DLGAP4: variants seen among roughly 807,000 people sequenced by gnomAD.
The protein encoded by DLGAP4 is DLG associated protein 4, also known as disks large-associated protein 4.
DLGAP4 carries 18 observed loss-of-function variants against 86.9 expected under a neutral mutation model. That is an observed-to-expected ratio of 0.21 (90% CI 0.14 to 0.31). The LOEUF is 0.31. Ranked by LOEUF, DLGAP4 falls within the 10% of genes least tolerant of loss-of-function variation. The pLI is 1.00. For missense variants in DLGAP4, 1,085 were observed against 1,362.6 expected, an observed-to-expected ratio of 0.80 and a Z score of 3.21; for synonymous variants, 548 against 574.3, an observed-to-expected ratio of 0.95 and a Z score of 0.65.
intron 2 of DLGAP4, among the ~76,000 whole-genome samples, chr20:36,373,454 G>T (rs190640347): frequency 1.8e-4 from 28 of 152,244 alleles, no homozygotes; most frequent in African/African-American, 6.3e-4. Context: ...CAAATTTGTG[G>T]GATGTGCCCA....
At chr20:36,491,214 C>T (rs1358048329) in intron 7 of DLGAP4, among the ~76,000 whole-genome samples, 1 of 149,998 alleles carries the variant, frequency 6.7e-6, no homozygotes, top group Non-Finnish European at 1.5e-5. Context: ...AATGCAGAAA[C>T]AAATTCATTC....
chr20:36,461,124 G>A (rs2034019986), intron 7 of DLGAP4, among the ~76,000 whole-genome samples: 1 of 152,084 alleles, frequency 6.6e-6, no homozygotes, highest in Admixed American at 6.5e-5. Flanking sequence ...CTCCCGCCTC[G>A]GTCCACCTCC....
chr20:36,375,664 C>T (rs1012771265), intron 2 of DLGAP4, among the ~76,000 whole-genome samples: 3 of 152,136 alleles, frequency 2.0e-5, no homozygotes, highest in South Asian at 2.1e-4. Flanking sequence ...TTCTGTTCCT[C>T]CAAGCAGTGT....
At chr20:36,516,765 T>C (rs1191700315) in intron 10 of DLGAP4, among the ~76,000 whole-genome samples, 1 of 151,588 alleles carries the variant, frequency 6.6e-6, no homozygotes, top group Non-Finnish European at 1.5e-5. Context: ...CTGAATAAAG[T>C]TGCTGTTAGA....
At chr20:36,369,596 C>T (rs1030278174) in intron 2 of DLGAP4, among the ~76,000 whole-genome samples, 65 of 152,200 alleles carry the variant, frequency 4.3e-4, no homozygotes, top group African/African-American at 1.5e-3. Flanking sequence ...ATAATAAAAA[C>T]AATAGTAATG....
intron 7 of DLGAP4, among the ~76,000 whole-genome samples, chr20:36,455,991 G>A (rs534262309): frequency 1.3e-5 from 2 of 152,240 alleles, no homozygotes; most frequent in South Asian, 4.1e-4. Context: ...ATTGCAAATG[G>A]ACTTCAACCA....
At chr20:36,505,789 A>T (rs1318254142) in intron 10 of DLGAP4, among the ~76,000 whole-genome samples, 1 of 152,128 alleles carries the variant, frequency 6.6e-6, no homozygotes, top group Non-Finnish European at 1.5e-5. Flanking sequence ...AAAAGGAAAA[A>T]ATCATAAGGA....
chr20:36,465,280 G>A (rs912960713), intron 7 of DLGAP4: 2 of 151,866 alleles, frequency 1.3e-5, no homozygotes, highest in Non-Finnish European at 2.9e-5. Context: ...GTGAGGCATT[G>A]TGTAATCAGC....
intron 10 of DLGAP4, among the ~76,000 whole-genome samples, chr20:36,501,247 G>A (rs1436508051): frequency 1.3e-5 from 2 of 151,938 alleles, no homozygotes; most frequent in Admixed American, 6.6e-5. Context: ...TGTATTTTTA[G>A]TAGAGACGGG....
chr20:36,427,935 C>G (rs1442549513), intron 2 of DLGAP4, among the ~76,000 whole-genome samples: 1 of 151,802 alleles, frequency 6.6e-6, no homozygotes, highest in South Asian at 2.1e-4. Context: ...AAGAGCAAGA[C>G]TCCGTGTCAA....
At chr20:36,499,183 T>A in intron 8 of DLGAP4, 1 of 1,485,252 alleles carries the variant, frequency 6.7e-7, no homozygotes, top group Non-Finnish European at 9.3e-7. Context: ...TGTGTGTGTG[T>A]GTGTGTTTTC....
At chr20:36,449,257 T>G (rs1482938127) in intron 7 of DLGAP4, among the ~76,000 whole-genome samples, 1 of 152,216 alleles carries the variant, frequency 6.6e-6, no homozygotes, top group Non-Finnish European at 1.5e-5. Context: ...CCACTCAGCT[T>G]CTTTCTGCTA....
At chr20:36,426,369 G>T (rs781680416) in intron 2 of DLGAP4, among the ~76,000 whole-genome samples, 4 of 152,104 alleles carry the variant, frequency 2.6e-5, no homozygotes, top group Non-Finnish European at 5.9e-5. Context: ...ACAAAAATTA[G>T]CTGGGCATGG....
chr20:36,526,498 CTG>C (rs2147877581), intron 12 of DLGAP4, among the ~76,000 whole-genome samples: 1 of 152,218 alleles, frequency 6.6e-6, no homozygotes, highest in Admixed American at 6.5e-5. Context: ...TTGTCTCTGA[CTG>C]TGACTCGGGC....
intron 2 of DLGAP4, among the ~76,000 whole-genome samples, chr20:36,424,770 C>G (rs1746347086): frequency 6.8e-6 from 1 of 146,834 alleles, no homozygotes; most frequent in Admixed American, 6.9e-5. Context: ...GAGTCTTGCT[C>G]TGTCACTCAG....
intron 7 of DLGAP4, among the ~76,000 whole-genome samples, chr20:36,478,449 C>G (rs538455555): frequency 2.0e-5 from 3 of 152,288 alleles, no homozygotes; most frequent in East Asian, 3.9e-4. Flanking sequence ...CAGGACAGTT[C>G]GAAGCCTTCG....
intron 1 of DLGAP4, among the ~76,000 whole-genome samples, chr20:36,354,773 G>GA (rs1272595997): frequency 1.3e-5 from 2 of 151,922 alleles, no homozygotes; most frequent in African/African-American, 2.4e-5. Context: ...TCTTAAAAAT[G>GA]AAAAAAGAAA....
At chr20:36,396,642 C>CCACA (rs59836413) in intron 2 of DLGAP4, among the ~76,000 whole-genome samples, 2 of 78,348 alleles carry the variant, frequency 2.6e-5, no homozygotes, top group East Asian at 7.9e-4. Flanking sequence ...CACGCACACA[C>CCACA]CACACACACA....
intron 1 of DLGAP4, among the ~76,000 whole-genome samples, chr20:36,329,587 T>A (rs1439988672): frequency 1.3e-5 from 2 of 152,156 alleles, no homozygotes; most frequent in Non-Finnish European, 2.9e-5. Context: ...TCTCTATCCC[T>A]GATTATGTAT....
Sources: allele counts gnomAD v4.1 joint callset (sites outside exome capture counted in the v4.1 genomes callset), GRCh38; gene constraint gnomAD v4.1.1; transcripts MANE v1.5; gene names NCBI Gene and HGNC (gene_info 2026-07-23, HGNC 2026-07-21).